Variants in TGFBR3 observed in about 807,000 individuals in gnomAD.
TGFBR3 encodes transforming growth factor beta receptor 3.
In TGFBR3, 46 loss-of-function variants were observed where a neutral mutation model predicts 87.9. The ratio of observed to expected loss-of-function variants is 0.52; its 90% CI spans 0.41 to 0.67. The LOEUF (loss-of-function observed/expected upper bound fraction) is 0.67, where lower values mean the gene tolerates loss of function less well. TGFBR3 is among the 30% of genes least tolerant of loss of function. TGFBR3 has a pLI of 0.00. For synonymous variants in TGFBR3, 381 were observed against 391.6 expected, an observed-to-expected ratio of 0.97 and a Z score of 0.32; for missense variants, 866 against 1,041.9, an observed-to-expected ratio of 0.83 and a Z score of 2.32.
chr1:91,776,827 A>T (rs1674583907), intron 3 of TGFBR3, among the ~76,000 whole-genome samples: 2 of 152,182 alleles, frequency 1.3e-5, no homozygotes. Context: ...ATTAAAGACG[A>T]GGGCCGAAAG....
At chr1:91,723,998 A>G (rs1188960033) in intron 7 of TGFBR3, among the ~76,000 whole-genome samples, 6 of 152,196 alleles carry the variant, frequency 3.9e-5, no homozygotes, top group African/African-American at 1.4e-4. Context: ...CATATATTTC[A>G]ACTCAAATCT....
At chr1:91,904,099 G>A (rs1327341758) in intron 1 of TGFBR3, among the ~76,000 whole-genome samples, 1 of 152,064 alleles carries the variant, frequency 6.6e-6, no homozygotes, top group Non-Finnish European at 1.5e-5. Flanking sequence ...CACAAGAATC[G>A]CTTGAACCCA....
At chr1:91,760,485 G>A (rs532343351) in intron 3 of TGFBR3, among the ~76,000 whole-genome samples, 171 of 152,110 alleles carry the variant, frequency 1.1e-3, no homozygotes, top group Non-Finnish European at 2.1e-3. Flanking sequence ...CCAAAAGGCC[G>A]GGAAGTAAAC....
At chr1:91,833,128 C>CTA (rs1473168072) in intron 2 of TGFBR3, among the ~76,000 whole-genome samples, 1 of 151,190 alleles carries the variant, frequency 6.6e-6, no homozygotes, top group Non-Finnish European at 1.5e-5. Context: ...AACCCCGTCT[C>CTA]TACTAAAAAT....
rs1265963538 is a variant in TGFBR3, at chr1:91,858,604, C to T, written c.61+2867G>A. ...CACTGTAGCCGGGGCGAGTGAGACT[C>T]TGTCTCAAAAAAAAAAAAAAAAAAA... is the stretch of plus-strand genomic sequence containing the variant. On this transcript the variant is annotated intron_variant, in intron 2 of 16. Coordinates refer to ENST00000212355, the MANE Select transcript of TGFBR3 (RefSeq NM_003243.5). 2.5e-4 allele frequency among the ~76,000 whole-genome samples: 24 copies of T among 96,822 alleles called. 1 individual carries two copies. The highest frequency in any genetic ancestry group is 4.0e-5 in the African/African-American group (1 of 24,744). 63.5% of individuals were successfully genotyped at this position (96,822 alleles called of 152,430 possible).
chr1:91,897,939 G>A (rs1196271627), intron 2 of TGFBR3, among the ~76,000 whole-genome samples: 1 of 151,762 alleles, frequency 6.6e-6, no homozygotes, highest in Non-Finnish European at 1.5e-5. Context: ...TGTAATCCCA[G>A]GACTTTGGGA....
intron 3 of TGFBR3, among the ~76,000 whole-genome samples, chr1:91,794,581 C>T (rs1675307478): frequency 1.3e-5 from 2 of 152,194 alleles, no homozygotes; most frequent in Admixed American, 1.3e-4. Context: ...TAAGCAATGA[C>T]TAATTTACTT....
chr1:91,865,185 A>T (rs535510845), intron 1 of TGFBR3, among the ~76,000 whole-genome samples: 23 of 145,296 alleles, frequency 1.6e-4, no homozygotes, highest in African/African-American at 5.4e-4. Flanking sequence ...CCTGGACAAC[A>T]GAGTGAGACT....
chr1:91,701,940 T>C (rs1300599401), intron 14 of TGFBR3, among the ~76,000 whole-genome samples: 1 of 152,256 alleles, frequency 6.6e-6, no homozygotes, highest in East Asian at 1.9e-4. Context: ...TTGCAATTAC[T>C]TGTTCACTTA....
intron 4 of TGFBR3, among the ~76,000 whole-genome samples, chr1:91,747,243 C>T (rs900098603): frequency 6.6e-6 from 1 of 152,210 alleles, no homozygotes; most frequent in Non-Finnish European, 1.5e-5. Context: ...AACTGACTGG[C>T]TCACAGGTCA....
At chr1:91,863,340 T>C (rs1428233956) in intron 1 of TGFBR3, among the ~76,000 whole-genome samples, 1 of 152,220 alleles carries the variant, frequency 6.6e-6, no homozygotes, top group Non-Finnish European at 1.5e-5. Flanking sequence ...AGATTAAAAA[T>C]CTGCCTGGGT....
intron 2 of TGFBR3, among the ~76,000 whole-genome samples, chr1:91,860,999 A>C (rs939502441): frequency 2.6e-5 from 4 of 151,860 alleles, no homozygotes; most frequent in African/African-American, 9.7e-5. Flanking sequence ...GGCAAAACTA[A>C]ATACCTCCCA....
chr1:91,867,749 C>A (rs903757917), intron 1 of TGFBR3, among the ~76,000 whole-genome samples: 6 of 152,110 alleles, frequency 3.9e-5, no homozygotes, highest in African/African-American at 1.4e-4. Context: ...TAATAAAGAA[C>A]TGTATTTGGG....
intron 7 of TGFBR3, among the ~76,000 whole-genome samples, chr1:91,725,308 A>G (rs969371497): frequency 2.6e-5 from 4 of 152,078 alleles, no homozygotes; most frequent in Non-Finnish European, 5.9e-5. Flanking sequence ...ACTCCTTACA[A>G]TTCCCTTAGT....
chr1:91,727,246 C>T (rs997924991), intron 7 of TGFBR3, among the ~76,000 whole-genome samples: 1 of 152,242 alleles, frequency 6.6e-6, no homozygotes, highest in African/African-American at 2.4e-5. Context: ...CTCTAAGTAC[C>T]TAACTCCAAA....
intron 1 of TGFBR3, chr1:91,866,668 C>T (rs1678403010): frequency 6.6e-6 from 1 of 152,196 alleles, no homozygotes; most frequent in Non-Finnish European, 1.5e-5. Flanking sequence ...CCCTTGTGGG[C>T]TTAAAAGCTG....
At chr1:91,864,727 T>C (rs1312300178) in intron 1 of TGFBR3, among the ~76,000 whole-genome samples, 1 of 152,198 alleles carries the variant, frequency 6.6e-6, no homozygotes, top group Non-Finnish European at 1.5e-5. Context: ...ATCAGTTCCC[T>C]GGAATGCTGG....
chr1:91,810,146 C>A (rs1284382445), intron 2 of TGFBR3, among the ~76,000 whole-genome samples: 3 of 152,134 alleles, frequency 2.0e-5, no homozygotes, highest in Admixed American at 6.5e-5. Context: ...GCAACCTCTA[C>A]CTTCCAGGCT....
At chr1:91,764,481 A>G (rs1674098212) in intron 3 of TGFBR3, among the ~76,000 whole-genome samples, 1 of 152,090 alleles carries the variant, frequency 6.6e-6, no homozygotes, top group African/African-American at 2.4e-5. Flanking sequence ...TTATGAAACT[A>G]CAGGTCATGA....
Sources: gnomAD v4.1 joint callset for allele counts (sites outside exome capture counted in the v4.1 genomes callset) on GRCh38, gnomAD v4.1.1 for gene constraint, MANE v1.5 for transcripts, NCBI Gene and HGNC (gene_info 2026-07-23, HGNC 2026-07-21) for gene names.